ANXA7: variants seen among roughly 807,000 people sequenced by gnomAD.
ANXA7 encodes annexin VII.
A neutral mutation model predicts 64.9 loss-of-function variants in ANXA7; 55 were observed. The observed-to-expected ratio is 0.85, with a 90% CI of 0.68 to 1.06. The LOEUF (loss-of-function observed/expected upper bound fraction) is 1.06, where lower values mean the gene tolerates loss of function less well. ANXA7 is among the 50% of genes least tolerant of loss of function. The pLI is 0.00. For synonymous variants in ANXA7, 200 were observed against 192.4 expected (o/e 1.04, Z -0.33); for missense variants, 548 against 582.1 (o/e 0.94, Z 0.60).
chr10:73,404,971 G>C (rs1274158114), intron 1 of ANXA7, among the ~76,000 whole-genome samples: 1 of 151,626 alleles, frequency 6.6e-6, no homozygotes, highest in Non-Finnish European at 1.5e-5. Flanking sequence ...AATTAGGGCC[G>C]GGCGCGGTGG....
At chr10:73,391,045 G>A (rs1332793790) in intron 5 of ANXA7, among the ~76,000 whole-genome samples, 3 of 151,872 alleles carry the variant, frequency 2.0e-5, no homozygotes, top group African/African-American at 7.2e-5. Context: ...GTGCGCACCT[G>A]TAGTCCCAGC....
rs142703167 is a variant in ANXA7 at position 73,390,693 on chromosome 10, AATAT to A, written c.436-2283_436-2280del. ...CATTTTCTGTGATTCTCTTTTGTAA[AATAT>A]ATATATATATATATATATATATAAA... On this transcript the variant is annotated intron_variant, in intron 5 of 12. Transcript: ENST00000372921. 1.3e-3 allele frequency among the ~76,000 whole-genome samples: 160 copies of A among 127,454 alleles called. 2 individuals are homozygous for A. Among genetic ancestry groups the A allele is most frequent in the African/African-American group, 4.2e-3 (126 of 29,874 alleles). 83.6% of individuals were successfully genotyped at this position (127,454 alleles called of 152,430 possible).
At chr10:73,404,795 C>T (rs1165584931) in intron 1 of ANXA7, among the ~76,000 whole-genome samples, 1 of 151,566 alleles carries the variant, frequency 6.6e-6, no homozygotes, top group Non-Finnish European at 1.5e-5. Flanking sequence ...AAAAAACAAA[C>T]ATTCAAAAGA....
chr10:73,413,760 G>A (rs1280912508), intron 1 of ANXA7, among the ~76,000 whole-genome samples: 2 of 152,198 alleles, frequency 1.3e-5, no homozygotes, highest in Admixed American at 6.5e-5. Context: ...GGCGCCACTG[G>A]TCCCTGGGAT....
At chr10:73,379,057 T>G (rs932705523) in intron 11 of ANXA7, 34 bp from the exon 12 acceptor site, 2 of 1,483,302 alleles carry the variant, frequency 1.3e-6, no homozygotes, top group Non-Finnish European at 1.9e-6. Context: ...CATGGAATCA[T>G]GATCTCACAA....
At chr10:73,378,667 G>A (rs891254241) in intron 12 of ANXA7, among the ~76,000 whole-genome samples, 37 of 152,176 alleles carry the variant, frequency 2.4e-4, no homozygotes, top group African/African-American at 8.2e-4. Flanking sequence ...CTCCATTGAC[G>A]TTCTCAAGTT....
chr10:73,380,006 A>C, intron 10 of ANXA7, 25 bp downstream of exon 10: 1 of 1,611,726 alleles, frequency 6.2e-7, no homozygotes. Context: ...AGCAGAAGCC[A>C]AATCTTCAAA....
At chr10:73,404,090 C>T (rs1204251261) in intron 1 of ANXA7, among the ~76,000 whole-genome samples, 1 of 152,118 alleles carries the variant, frequency 6.6e-6, no homozygotes, top group African/African-American at 2.4e-5. Context: ...TTCATTATAA[C>T]ACTTTCAGTA....
At chr10:73,377,281 G>A (rs992680843) in intron 12 of ANXA7, among the ~76,000 whole-genome samples, 1 of 151,812 alleles carries the variant, frequency 6.6e-6, no homozygotes, top group African/African-American at 2.4e-5. Flanking sequence ...TATAATTTAG[G>A]GTTTTTGGCC....
chr10:73,413,179 G>A (rs1027271291), intron 1 of ANXA7, among the ~76,000 whole-genome samples: 9 of 150,866 alleles, frequency 6.0e-5, no homozygotes, highest in Non-Finnish European at 1.0e-4. Flanking sequence ...AGTCCTCACT[G>A]AAAAGGACTG....
chr10:73,393,522 T>C (rs529255717), intron 5 of ANXA7, among the ~76,000 whole-genome samples: 2,805 of 152,134 alleles, frequency 0.018, 73 homozygotes, highest in Non-Finnish European at 0.021. Context: ...TATAGACCAA[T>C]GGAACAGAAC....
In ANXA7 at chr10:73,383,593, A is replaced by C; in HGVS notation, c.731T>G (p.Leu244Ter). The C allele has an allele frequency of 6.2e-7, 1 of 1,612,168 alleles. No individual in the cohort carries two copies. The highest frequency in any genetic ancestry group is 8.5e-7 in the Non-Finnish European group (1 of 1,178,358). The part of the protein sequence containing the change: ...MPPTYYDAWS[L>*]RKAMQGAGTQ... Reference sequence around the variant, plus strand: ...TAGTAGTACCTGCATTGCTTTCCGTAAGCTCCAGGCATCGTAATACGTAGG... The same window carrying C: ...TAGTAGTACCTGCATTGCTTTCCGTCAGCTCCAGGCATCGTAATACGTAGG... The change falls in exon 8 of 13, where the codon TTA becomes TGA. Residue 244 changes from leucine (L) to a stop codon, truncating the protein, a stop_gained. Coordinates refer to ENST00000372921, the MANE Select transcript of ANXA7 (RefSeq NM_001156.5). LOFTEE classifies it high-confidence loss of function.
At chr10:73,385,129 G>A (rs967193118) in intron 7 of ANXA7, among the ~76,000 whole-genome samples, 2 of 152,138 alleles carry the variant, frequency 1.3e-5, no homozygotes, top group Admixed American at 6.6e-5. Flanking sequence ...TAAGACAACC[G>A]GTTTTGCTAC....
At chr10:73,400,910 T>C in intron 1 of ANXA7, 53 bp from the exon 2 acceptor site, 1 of 1,505,556 alleles carries the variant, frequency 6.6e-7, no homozygotes, top group Non-Finnish European at 9.0e-7. Context: ...TTTTGTTTTG[T>C]TTTGTTTTGT....
chr10:73,412,402 AT>A (rs769004344), intron 1 of ANXA7, among the ~76,000 whole-genome samples: 1 of 152,122 alleles, frequency 6.6e-6, no homozygotes, highest in Non-Finnish European at 1.5e-5. Context: ...CAAGAGGCAG[AT>A]TTTAAACGTT....
At chr10:73,386,644 C>T (rs953795667) in intron 7 of ANXA7, among the ~76,000 whole-genome samples, 5 of 152,066 alleles carry the variant, frequency 3.3e-5, no homozygotes, top group South Asian at 4.2e-4. Context: ...AAGATCATGG[C>T]GTGTACAGAG....
chr10:73,385,832 G>A (rs1420869241), intron 7 of ANXA7, among the ~76,000 whole-genome samples: 2 of 152,078 alleles, frequency 1.3e-5, no homozygotes, highest in South Asian at 2.1e-4. Context: ...AATAAGCAAG[G>A]TGGGACCAAT....
At chr10:73,402,453 C>T (rs956897333) in intron 1 of ANXA7, among the ~76,000 whole-genome samples, 2 of 152,052 alleles carry the variant, frequency 1.3e-5, no homozygotes, top group Non-Finnish European at 2.9e-5. Context: ...CTGCCTGCTT[C>T]AGCCTCTCAA....
At chr10:73,412,414 T>C (rs1174435284) in intron 1 of ANXA7, among the ~76,000 whole-genome samples, 1 of 152,180 alleles carries the variant, frequency 6.6e-6, no homozygotes, top group African/African-American at 2.4e-5. Context: ...TTTAAACGTT[T>C]TTGTAAAAAG....
Sources: allele counts gnomAD v4.1 joint callset (sites outside exome capture counted in the v4.1 genomes callset), GRCh38; gene constraint gnomAD v4.1.1; transcripts MANE v1.5; gene names NCBI Gene and HGNC (gene_info 2026-07-23, HGNC 2026-07-21).